DLEU7: variants seen among roughly 807,000 people sequenced by gnomAD.
DLEU7 encodes leukemia-associated protein 7.
Under a neutral mutation model 16.0 loss-of-function variants are expected in DLEU7, and 17 were observed. The ratio of observed to expected loss-of-function variants is 1.06; its 90% CI spans 0.73 to 1.59. DLEU7 has a LOEUF of 1.59. Among genes scored for constraint, DLEU7 ranks in the 40% most tolerant of loss-of-function variants. The pLI is 0.00. For synonymous variants in DLEU7, 113 were observed against 139.8 expected, an observed-to-expected ratio of 0.81 and a Z score of 1.35; for missense variants, 308 against 314.9, an observed-to-expected ratio of 0.98 and a Z score of 0.17.
intron 1 of DLEU7, among the ~76,000 whole-genome samples, chr13:50,792,661 C>T (rs540857628): frequency 1.7e-4 from 26 of 152,082 alleles, no homozygotes; most frequent in African/African-American, 3.1e-4. Flanking sequence ...TAATGGTGTG[C>T]GCACTGTTTT....
downstream of DLEU7, among the ~76,000 whole-genome samples, chr13:50,819,465 T>G (rs1038330763): frequency 1.3e-5 from 2 of 152,056 alleles, no homozygotes; most frequent in African/African-American, 4.8e-5. Flanking sequence ...GAATAGACTA[T>G]AGAGAGCAGA....
chr13:50,753,479 G>A (rs903802246), intron 1 of DLEU7, among the ~76,000 whole-genome samples: 9 of 152,244 alleles, frequency 5.9e-5, no homozygotes, highest in Admixed American at 2.6e-4. Flanking sequence ...GGCCTGGCAA[G>A]AAATTGAGCA....
At chr13:50,738,323 C>T (rs900028923) in intron 1 of DLEU7, among the ~76,000 whole-genome samples, 5 of 152,104 alleles carry the variant, frequency 3.3e-5, no homozygotes, top group African/African-American at 1.2e-4. Flanking sequence ...CAGCAGTAAC[C>T]ACTGCCATTG....
chr13:50,720,514 A>G (rs1381280732), intron 1 of DLEU7, among the ~76,000 whole-genome samples: 1 of 152,236 alleles, frequency 6.6e-6, no homozygotes. Flanking sequence ...TGAAAGACAC[A>G]CAGACACCAT....
chr13:50,798,345 A>C (rs1415284231), intron 1 of DLEU7, among the ~76,000 whole-genome samples: 1 of 152,192 alleles, frequency 6.6e-6, no homozygotes, highest in Non-Finnish European at 1.5e-5. Context: ...CAAAAAATTA[A>C]ACTTTTAATA....
intron 1 of DLEU7, among the ~76,000 whole-genome samples, chr13:50,766,952 G>A (rs559011412): frequency 9.2e-5 from 14 of 152,194 alleles, no homozygotes; most frequent in African/African-American, 3.4e-4. Context: ...TCTGTGTCCT[G>A]GTTTTTCTCC....
chr13:50,751,088 A>G (rs1190074175), intron 1 of DLEU7, among the ~76,000 whole-genome samples: 1 of 152,116 alleles, frequency 6.6e-6, no homozygotes, highest in African/African-American at 2.4e-5. Context: ...AGACAGTATT[A>G]CATTGAGGTA....
chr13:50,792,414 A>G (rs1165089727), intron 1 of DLEU7, among the ~76,000 whole-genome samples: 1 of 152,174 alleles, frequency 6.6e-6, no homozygotes, highest in East Asian at 1.9e-4. Context: ...CCCAAACAAA[A>G]TGAATCCCCA....
intron 1 of DLEU7, among the ~76,000 whole-genome samples, chr13:50,806,093 C>T (rs1876382250): frequency 6.6e-6 from 1 of 152,180 alleles, no homozygotes. Context: ...CAGGCATCTT[C>T]ACTCTGGTAC....
chr13:50,739,515 G>A lies in DLEU7; in HGVS notation c.460-26275C>T, dbSNP rs188877715. ...GCAAACCTTGAGCCAAAACCCAGACGGGGAAGGAATGAGAAGAGAAACAGA... is the reference window on the plus strand; with the variant it reads ...GCAAACCTTGAGCCAAAACCCAGACAGGGAAGGAATGAGAAGAGAAACAGA... On this transcript the variant is annotated intron_variant, in intron 1 of 1. Transcript: ENST00000400393. Among the ~76,000 whole-genome samples the A allele has an allele frequency of 1.4e-3, 215 of 152,242 alleles. 1 individual carries two copies. Among genetic ancestry groups the A allele is most frequent in the Non-Finnish European group, 2.5e-3 (172 of 67,992 alleles).
intron 1 of DLEU7, among the ~76,000 whole-genome samples, chr13:50,736,166 A>C (rs1016692805): frequency 2.0e-4 from 30 of 152,168 alleles, no homozygotes; most frequent in Non-Finnish European, 2.9e-5. Context: ...CATAATATTG[A>C]ATACTATGCA....
chr13:50,823,603 C>CT (rs1876985764), intron 1 of DLEU7, 83 bp from the exon 2 acceptor site: 1 of 1,453,330 alleles, frequency 6.9e-7, no homozygotes, highest in Admixed American at 2.1e-5. Context: ...AGCTTCCATT[C>CT]TTTTCTCTTC....
Position 50,843,337 on chromosome 13 carries a change from G to A in DLEU7, c.310C>T (p.Pro104Ser). 6.8e-7 allele frequency: 1 copy of A among 1,477,372 alleles called. No homozygotes were observed. Among genetic ancestry groups the A allele is most frequent in the East Asian group, 2.8e-5 (1 of 36,138 alleles). 91.5% of individuals were successfully genotyped at this position (1,477,372 alleles called of 1,614,324 possible). The change falls in exon 1 of 2, where the codon CCC (proline) becomes TCC (serine). Residue 104 changes from proline to serine, a missense_variant. Pro to Ser is a moderately conservative substitution (Grantham distance 74). Coordinates refer to ENST00000504404, the MANE Select transcript of DLEU7 (RefSeq NM_001306135.2). This position sits in a 1 kb window ranked among gnomAD's most constrained non-coding sequence, Gnocchi z 5.7. The part of the protein sequence containing the change: ...AEGGAELLPF[P>S]RDRGPCTLAQ... ...AGGGTGCAGGGCCCGCGGTCCCGGG[G>A]GAAGGGCAGCAACTCGGCGCCCCCC... is the stretch of plus-strand genomic sequence containing the variant.
chr13:50,713,280 G>C, intron 1 of DLEU7: 1 of 1,591,234 alleles, frequency 6.3e-7, no homozygotes, highest in East Asian at 2.3e-5. Flanking sequence ...TGCTTGCTTT[G>C]CATTTTTTAT....
intron 1 of DLEU7, among the ~76,000 whole-genome samples, chr13:50,733,688 C>T (rs1034984567): frequency 2.0e-5 from 3 of 152,218 alleles, no homozygotes; most frequent in Admixed American, 6.5e-5. Context: ...TCTTTCTGAT[C>T]TAACAATTCT....
intron 1 of DLEU7, among the ~76,000 whole-genome samples, chr13:50,724,666 A>G (rs1205163846): frequency 6.6e-6 from 1 of 152,190 alleles, no homozygotes; most frequent in Non-Finnish European, 1.5e-5. Context: ...GTCAACCAGG[A>G]TATGTTGGGT....
At chr13:50,818,544 C>T (rs1309408883), downstream of DLEU7, 2 of 152,166 alleles carry the variant, frequency 1.3e-5, no homozygotes, top group East Asian at 1.9e-4. Flanking sequence ...ACTGAGAATA[C>T]AGCTGTGAAC....
chr13:50,711,688 A>G (rs561395083), downstream of DLEU7: 2 of 151,694 alleles, frequency 1.3e-5, no homozygotes, highest in South Asian at 2.1e-4. Context: ...GGGAATTAAT[A>G]TTATTAAGGA....
chr13:50,774,057 A>G (rs762052726), intron 1 of DLEU7, among the ~76,000 whole-genome samples: 3 of 152,162 alleles, frequency 2.0e-5, no homozygotes, highest in Non-Finnish European at 4.4e-5. Context: ...CTCTGTGGGC[A>G]TGGAACCCAC....
Sources: gnomAD v4.1 joint callset for allele counts (sites outside exome capture counted in the v4.1 genomes callset) on GRCh38, gnomAD v4.1.1 for gene constraint, Gnocchi (gnomAD v3.1) non-coding constraint, MANE v1.5 for transcripts, NCBI Gene and HGNC (gene_info 2026-07-23, HGNC 2026-07-21) for gene names.